The following GLT1D1 variants were observed in gnomAD, a reference collection of about 807,000 sequenced individuals.
GLT1D1 encodes glycosyltransferase 1 domain-containing protein 1.
A neutral mutation model predicts 28.7 loss-of-function variants in GLT1D1; 21 were observed. That is an observed-to-expected ratio of 0.73 (90% CI 0.52 to 1.05). The LOEUF is 1.05. GLT1D1 is among the 50% of genes least tolerant of loss of function. The probability of loss-of-function intolerance (pLI) is 0.00; values close to 1 mark genes in which losing one functional copy is unlikely to be tolerated. For synonymous variants in GLT1D1, 147 were observed against 124.8 expected, an observed-to-expected ratio of 1.18 and a Z score of -1.19; for missense variants, 343 against 330.6, an observed-to-expected ratio of 1.04 and a Z score of -0.29.
chr12:128,869,337 T>A (rs958683550), intron 1 of GLT1D1, among the ~76,000 whole-genome samples: 5 of 152,020 alleles, frequency 3.3e-5, no homozygotes, highest in Admixed American at 2.0e-4. Flanking sequence ...GCCTGGCTAC[T>A]TTTTGTATTT....
intron 1 of GLT1D1, among the ~76,000 whole-genome samples, chr12:128,875,188 A>C (rs1251776912): frequency 1.3e-5 from 2 of 152,162 alleles, no homozygotes; most frequent in East Asian, 1.9e-4. Flanking sequence ...ACAGAGGCCC[A>C]AAAACAATCT....
Position 128,862,757 on chromosome 12 carries a change from G to C in GLT1D1, c.68+9108G>C, listed in dbSNP as rs75273040. Among the ~76,000 whole-genome samples, 915 of 152,354 alleles carry C rather than the reference G, an allele frequency of 6.0e-3. 6 individuals are homozygous for C. The highest frequency in any genetic ancestry group is 9.1e-3 in the Admixed American group (139 of 15,308). On this transcript the variant is annotated intron_variant, in intron 1 of 7. Coordinates refer to ENST00000281703, the MANE Select transcript of GLT1D1 (RefSeq NM_144669.3). ...CACAGAGCCGGCGTCAGCAGTCCCT[G>C]TCCTCAGGAGGCAGCCGCTCAACCA...
chr12:128,904,421 A>T (rs1870619886), intron 4 of GLT1D1, among the ~76,000 whole-genome samples: 1 of 151,690 alleles, frequency 6.6e-6, no homozygotes, highest in Non-Finnish European at 1.5e-5. Context: ...GGAAGAAATC[A>T]AGGAATAGAA....
chr12:128,905,923 G>A (rs886803201), intron 4 of GLT1D1, among the ~76,000 whole-genome samples: 7 of 151,002 alleles, frequency 4.6e-5, no homozygotes, highest in African/African-American at 1.7e-4. Flanking sequence ...CCTCAAACTC[G>A]TGGGCTCAGA....
At chr12:128,901,001 T>C (rs150656626) in intron 4 of GLT1D1, among the ~76,000 whole-genome samples, 2 of 152,224 alleles carry the variant, frequency 1.3e-5, no homozygotes, top group South Asian at 2.1e-4. Flanking sequence ...CAAAATGGGG[T>C]CCCTGGACCT....
chr12:128,874,240 G>A (rs1341333841), intron 1 of GLT1D1, among the ~76,000 whole-genome samples: 8 of 148,046 alleles, frequency 5.4e-5, no homozygotes, highest in African/African-American at 2.0e-4. Context: ...GGAGTGCAGT[G>A]GCACGATCTT....
At chr12:128,969,283 CT>C (rs1416552955) in intron 7 of GLT1D1, among the ~76,000 whole-genome samples, 1 of 151,728 alleles carries the variant, frequency 6.6e-6, no homozygotes, top group Non-Finnish European at 1.5e-5. Flanking sequence ...CTCTCTCACT[CT>C]CTCTCTCTCT....
intron 7 of GLT1D1, among the ~76,000 whole-genome samples, chr12:128,964,064 G>T (rs1192068851): frequency 6.6e-6 from 1 of 152,194 alleles, no homozygotes; most frequent in Non-Finnish European, 1.5e-5. Flanking sequence ...TGGTGGAAGG[G>T]CCGAGACAGC....
At chr12:128,926,207 ATAATAATAAT>A (rs1873191813) in intron 4 of GLT1D1, among the ~76,000 whole-genome samples, 142 bp from the exon 7 acceptor site, 1 of 144,570 alleles carries the variant, frequency 6.9e-6, no homozygotes, top group Admixed American at 6.9e-5. Context: ...AATAATAATA[ATAATAATAAT>A]AATAATAATA....
chr12:128,927,924 C>A (rs1015285698), intron 4 of GLT1D1, among the ~76,000 whole-genome samples: 1 of 132,976 alleles, frequency 7.5e-6, no homozygotes, highest in African/African-American at 2.8e-5. Context: ...CGCTTGAACC[C>A]GAGAGGTGGA....
intron 3 of GLT1D1, among the ~76,000 whole-genome samples, chr12:128,892,776 AT>A (rs938371226): frequency 1.4e-4 from 21 of 151,628 alleles, no homozygotes; most frequent in African/African-American, 4.4e-4. Flanking sequence ...TAGTATTTAA[AT>A]TTTTTTTCTA....
intron 6 of GLT1D1, among the ~76,000 whole-genome samples, chr12:128,951,277 C>T (rs896931072): frequency 1.3e-5 from 2 of 152,104 alleles, no homozygotes; most frequent in Non-Finnish European, 1.5e-5. Context: ...ATGACGTGCA[C>T]CTGTAATCCC....
intron 1 of GLT1D1, among the ~76,000 whole-genome samples, chr12:128,866,415 TA>T (rs1956520411): frequency 6.6e-6 from 1 of 151,886 alleles, no homozygotes; most frequent in Non-Finnish European, 1.5e-5. Context: ...AATCTTTTTT[TA>T]AGCAATTGAA....
chr12:128,942,833 A>T (rs111759908), intron 4 of GLT1D1, among the ~76,000 whole-genome samples: 1 of 149,774 alleles, frequency 6.7e-6, no homozygotes, highest in African/African-American at 2.5e-5. Flanking sequence ...TCACTGCAAC[A>T]TCCACCTTCC....
intron 1 of GLT1D1, among the ~76,000 whole-genome samples, chr12:128,863,615 C>T (rs186390143): frequency 6.6e-6 from 1 of 152,100 alleles, no homozygotes; most frequent in East Asian, 1.9e-4. Flanking sequence ...TGACCTCAGG[C>T]GATTCACTCG....
chr12:128,960,555 C>T (rs1877826146), intron 7 of GLT1D1, among the ~76,000 whole-genome samples: 1 of 151,798 alleles, frequency 6.6e-6, no homozygotes. Flanking sequence ...GTTAGGAGTT[C>T]GAGACAAGCC....
At chr12:128,869,205 C>A (rs1428898688) in intron 1 of GLT1D1, among the ~76,000 whole-genome samples, 1 of 151,756 alleles carries the variant, frequency 6.6e-6, no homozygotes, top group Non-Finnish European at 1.5e-5. Context: ...CTCACTCGGT[C>A]GTCCAGGCTG....
intron 3 of GLT1D1, among the ~76,000 whole-genome samples, chr12:128,893,629 A>G (rs1055654657): frequency 2.0e-5 from 3 of 152,076 alleles, no homozygotes; most frequent in African/African-American, 7.2e-5. Context: ...TCTGTCGCCC[A>G]GGCTGGAGTG....
intron 1 of GLT1D1, among the ~76,000 whole-genome samples, chr12:128,865,169 C>T (rs1319718209): frequency 2.6e-5 from 4 of 152,192 alleles, no homozygotes; most frequent in Non-Finnish European, 5.9e-5. Flanking sequence ...GCGCTGTGGG[C>T]CCCTCAGTGA....
Sources: allele counts gnomAD v4.1 joint callset (sites outside exome capture counted in the v4.1 genomes callset), GRCh38; gene constraint gnomAD v4.1.1; transcripts MANE v1.5; gene names NCBI Gene and HGNC (gene_info 2026-07-23, HGNC 2026-07-21).